Variants in RAB28 observed in about 807,000 individuals in gnomAD.
RAB28 encodes ras-related protein Rab-28.
RAB28 carries 24 observed loss-of-function variants against 31.7 expected under a neutral mutation model. The observed-to-expected ratio is 0.76, with a 90% CI of 0.55 to 1.06. RAB28 has a LOEUF of 1.06. Among genes scored for constraint, RAB28 ranks in the 50% least tolerant of loss-of-function variants. RAB28 has a pLI of 0.00. For synonymous variants in RAB28, 100 were observed against 90.4 expected, an observed-to-expected ratio of 1.11 and a Z score of -0.60; for missense variants, 254 against 258.5, an observed-to-expected ratio of 0.98 and a Z score of 0.12.
At chr4:13,371,336 C>A (rs943055626) in intron 6 of RAB28, 2 of 985,114 alleles carry the variant, frequency 2.0e-6, no homozygotes, top group African/African-American at 1.7e-5. Context: ...CATTATCTAA[C>A]CTCCCCAAAC....
At chr4:13,460,599 G>T in intron 4 of RAB28, 100 bp downstream of exon 4, 1 of 1,438,828 alleles carries the variant, frequency 7.0e-7, no homozygotes, top group Non-Finnish European at 9.7e-7. Flanking sequence ...TTGGGGATTA[G>T]GTCTTTGACA....
At chr4:13,435,017 CAAAAAAAAAAA>C (rs991889676) in intron 4 of RAB28, among the ~76,000 whole-genome samples, 2 of 47,046 alleles carry the variant, frequency 4.3e-5, no homozygotes, top group African/African-American at 1.4e-4. Context: ...GACTCCGTCT[CAAAAAAAAAAA>C]AAAAAAAGAA....
At chr4:13,453,476 G>C (rs945119362) in intron 4 of RAB28, among the ~76,000 whole-genome samples, 1 of 152,094 alleles carries the variant, frequency 6.6e-6, no homozygotes, top group African/African-American at 2.4e-5. Context: ...CATGATGGTG[G>C]TTACTGTCTT....
At chr4:13,473,721 A>G in intron 3 of RAB28, 1 of 275,896 alleles carries the variant, frequency 3.6e-6, no homozygotes, top group South Asian at 3.3e-5. Flanking sequence ...AAATTTATGT[A>G]ATTATTCAGG....
intron 4 of RAB28, among the ~76,000 whole-genome samples, chr4:13,404,155 G>T (rs979936028): frequency 6.6e-6 from 1 of 152,170 alleles, no homozygotes; most frequent in African/African-American, 2.4e-5. Flanking sequence ...AAGGCGGGAG[G>T]ATCACCTGAG....
At chr4:13,419,690 T>A (rs945722087) in intron 4 of RAB28, among the ~76,000 whole-genome samples, 1 of 152,190 alleles carries the variant, frequency 6.6e-6, no homozygotes, top group Non-Finnish European at 1.5e-5. Flanking sequence ...ATAAAGATGT[T>A]CTTTGAAACC....
intron 4 of RAB28, among the ~76,000 whole-genome samples, chr4:13,417,853 T>C (rs532144400): frequency 1.7e-3 from 263 of 152,290 alleles, no homozygotes; most frequent in African/African-American, 5.8e-3. Context: ...CTGCAAAGGA[T>C]TGCAGCTCCT....
At chr4:13,413,297 T>C (rs1343634927) in intron 4 of RAB28, among the ~76,000 whole-genome samples, 1 of 152,186 alleles carries the variant, frequency 6.6e-6, no homozygotes, top group Non-Finnish European at 1.5e-5. Flanking sequence ...TATTAAAAAA[T>C]CAAACTTTCC....
At chr4:13,386,899 T>C (rs140350832) in intron 4 of RAB28, among the ~76,000 whole-genome samples, 2,677 of 152,200 alleles carry the variant, frequency 0.018, 33 homozygotes, top group Non-Finnish European at 0.026. Flanking sequence ...ATATGCACCA[T>C]AGAATACTAT....
At chr4:13,394,816 G>C (rs925942764) in intron 4 of RAB28, among the ~76,000 whole-genome samples, 11 of 152,110 alleles carry the variant, frequency 7.2e-5, no homozygotes, top group African/African-American at 2.7e-4. Flanking sequence ...GCTACCATGA[G>C]GAGAAACGAT....
chr4:13,375,218 A>T (rs1464648905), intron 6 of RAB28, among the ~76,000 whole-genome samples: 1 of 152,172 alleles, frequency 6.6e-6, no homozygotes, highest in Non-Finnish European at 1.5e-5. Context: ...CAGCTTCCTG[A>T]TCATAAAATG....
intron 6 of RAB28, among the ~76,000 whole-genome samples, chr4:13,373,559 G>A: frequency 6.6e-6 from 1 of 152,152 alleles, no homozygotes. Context: ...GCATTACACA[G>A]ACCCTCAAAA....
intron 4 of RAB28, among the ~76,000 whole-genome samples, chr4:13,385,585 C>T (rs754530451): frequency 6.6e-6 from 1 of 152,074 alleles, no homozygotes; most frequent in East Asian, 1.9e-4. Context: ...TCATATCTGG[C>T]CAAACTAAGC....
intron 2 of RAB28, among the ~76,000 whole-genome samples, chr4:13,477,085 G>A (rs971421056): frequency 1.3e-5 from 2 of 151,452 alleles, no homozygotes; most frequent in African/African-American, 4.8e-5. Flanking sequence ...ACAGTAGAAC[G>A]CTGTTTACTG....
In RAB28 at chr4:13,370,790, A is replaced by G. The variant is rs981568194; in HGVS notation, c.574-2140T>C. ...GCAGGTCATGTAAAAAAAAAATCAC[A>G]AGGTACAATATTTAAGTACAATAAC... On this transcript the variant is annotated intron_variant, in intron 6 of 6. Coordinates refer to ENST00000330852, the MANE Select transcript of RAB28 (RefSeq NM_001017979.3). 5.1e-6 allele frequency: 5 copies of G among 981,758 alleles called. No homozygotes were observed. The African/African-American group carries it at 8.8e-5, about 17-fold the overall frequency. 60.8% of individuals were successfully genotyped at this position (981,758 alleles called of 1,614,324 possible). A position where few individuals can be genotyped will look rare whatever the true frequency, so the allele number is the denominator to read the frequency against.
At position 13,416,090 on chromosome 4, in the gene RAB28, G is replaced by T. The variant is rs1577191486; in HGVS notation, c.392-34496C>A. Among the ~76,000 whole-genome samples, 2 of 152,138 alleles carry T rather than the reference G, an allele frequency of 1.3e-5. 1 individual carries two copies. Among genetic ancestry groups the T allele is most frequent in the South Asian group, 4.1e-4 (2 of 4,820 alleles). On this transcript the variant is annotated intron_variant, in intron 4 of 6. Transcript: ENST00000330852. Reference sequence around the variant, plus strand: ...TCAGCACCCTGTCAAAACAGACTCGGCTCTCTGTAAAATGGAGCAATCAGC... The same window carrying T: ...TCAGCACCCTGTCAAAACAGACTCGTCTCTCTGTAAAATGGAGCAATCAGC...
chr4:13,379,205 C>CAAAAAAAAAAAAAAAAA (rs34341516), intron 5 of RAB28, among the ~76,000 whole-genome samples: 1 of 57,964 alleles, frequency 1.7e-5, no homozygotes. Context: ...AACTCTGTCT[C>CAAAAAAAAAAAAAAAAA]AAAAAAAAAA....
chr4:13,445,535 GA>G (rs1714648139), intron 4 of RAB28, among the ~76,000 whole-genome samples: 1 of 151,972 alleles, frequency 6.6e-6, no homozygotes, highest in Non-Finnish European at 1.5e-5. Context: ...TTGATCTGTG[GA>G]TAAGGTTTTT....
intron 3 of RAB28, among the ~76,000 whole-genome samples, chr4:13,470,326 A>G (rs770121528): frequency 1.3e-5 from 2 of 152,098 alleles, no homozygotes; most frequent in Non-Finnish European, 2.9e-5. Flanking sequence ...TACAAACATA[A>G]TCAGTTATAA....
Sources: allele counts gnomAD v4.1 joint callset (sites outside exome capture counted in the v4.1 genomes callset), GRCh38; gene constraint gnomAD v4.1.1; transcripts MANE v1.5; gene names NCBI Gene and HGNC (gene_info 2026-07-23, HGNC 2026-07-21).